Variants in RAD54B observed in about 807,000 individuals in gnomAD.
RAD54B encodes the protein DNA repair and recombination protein RAD54B.
A neutral mutation model predicts 95.8 loss-of-function variants in RAD54B; 78 were observed. That is an observed-to-expected ratio of 0.81 (90% CI 0.68 to 0.98). The LOEUF (loss-of-function observed/expected upper bound fraction) is 0.98, where lower values mean the gene tolerates loss of function less well. RAD54B is among the 50% of genes least tolerant of loss of function. The pLI is 0.00. For missense variants in RAD54B, 957 were observed against 1,056.6 expected (o/e 0.91, Z 1.31); for synonymous variants, 328 against 354.9 (o/e 0.92, Z 0.85).
chr8:94,407,295 T>C (rs1811413988), intron 5 of RAD54B, 144 bp downstream of exon 5: 4 of 771,370 alleles, frequency 5.2e-6, no homozygotes, highest in Non-Finnish European at 8.1e-6. Context: ...ACTTCAACAT[T>C]ATCTCTTATG....
chr8:94,411,541 G>A (rs988247313), intron 3 of RAD54B, among the ~76,000 whole-genome samples: 21 of 151,848 alleles, frequency 1.4e-4, no homozygotes, highest in East Asian at 1.9e-4. Flanking sequence ...TTACTGTTCC[G>A]AAGTCAAATA....
Position 94,372,030 on chromosome 8 carries a change from T to C in RAD54B, c.*140A>G. 7.3e-7 allele frequency: 1 copy of C among 1,362,148 alleles called. No individual in the cohort carries two copies. 84.4% of individuals were successfully genotyped at this position (1,362,148 alleles called of 1,614,324 possible). ...ATTTACAAAACATTAAACCACTCAA[T>C]TTTGACTATTGTATCAAAAGTGATA... On this transcript the variant is annotated 3_prime_UTR_variant, in exon 15 of 15. Transcript: ENST00000336148.
At chr8:94,376,184 GTC>G (rs1364983024) in intron 14 of RAD54B, among the ~76,000 whole-genome samples, 1 of 152,000 alleles carries the variant, frequency 6.6e-6, no homozygotes, top group Non-Finnish European at 1.5e-5. Context: ...CATACCCCAA[GTC>G]TCTATAATTA....
intron 3 of RAD54B, among the ~76,000 whole-genome samples, chr8:94,427,030 T>C (rs1008961352): frequency 4.6e-5 from 7 of 152,166 alleles, no homozygotes; most frequent in African/African-American, 1.7e-4. Context: ...GCAGAATCTA[T>C]GTGGTAGATA....
At chr8:94,422,587 C>CAAAAAAA (rs60701725) in intron 3 of RAD54B, among the ~76,000 whole-genome samples, 2 of 14,296 alleles carry the variant, frequency 1.4e-4, no homozygotes, top group Non-Finnish European at 1.6e-4. Context: ...GACTTCGTCT[C>CAAAAAAA]AAAAAAAAAA....
At position 94,432,765 on chromosome 8, in the gene RAD54B, A is replaced by G. The variant is rs924963861; in HGVS notation, c.305-21450T>C. 4 of 1,293,682 alleles carry G rather than the reference A, an allele frequency of 3.1e-6. No homozygotes were observed. In the African/African-American group the frequency reaches 6.0e-5, roughly 20 times the overall value. 80.1% of individuals were successfully genotyped at this position (1,293,682 alleles called of 1,614,324 possible). A position where few individuals can be genotyped will look rare whatever the true frequency, so the allele number is the denominator to read the frequency against. On this transcript the variant is annotated intron_variant, in intron 3 of 14. Coordinates refer to ENST00000336148, the MANE Select transcript of RAD54B (RefSeq NM_012415.3). The stretch of plus-strand genomic sequence containing the variant: ...CATTAAATGATAAAGCTTTAAAACT[A>G]TAAAGTTACAAAATAAAAAAAAATC...
intron 6 of RAD54B, among the ~76,000 whole-genome samples, chr8:94,400,758 T>C (rs1811248832): frequency 6.6e-6 from 1 of 152,210 alleles, no homozygotes; most frequent in African/African-American, 2.4e-5. Context: ...TGCATATGGA[T>C]AATTTAACTA....
chr8:94,428,741 A>T, intron 3 of RAD54B: 1 of 984,154 alleles, frequency 1.0e-6, no homozygotes, highest in Non-Finnish European at 1.2e-6. Context: ...TGTACATTCC[A>T]TTGTACTAGC....
At chr8:94,424,553 T>C (rs552137890) in intron 3 of RAD54B, among the ~76,000 whole-genome samples, 15 of 152,318 alleles carry the variant, frequency 9.8e-5, no homozygotes, top group Admixed American at 9.2e-4. Flanking sequence ...CATGGAATAG[T>C]GGAACATAAC....
intron 11 of RAD54B, among the ~76,000 whole-genome samples, chr8:94,380,842 C>A (rs1810721985): frequency 1.3e-5 from 2 of 152,134 alleles, no homozygotes; most frequent in Admixed American, 6.6e-5. Flanking sequence ...TGCTAAGGTA[C>A]CTGAGAAGGA....
At chr8:94,406,569 C>T (rs764430497) in intron 5 of RAD54B, among the ~76,000 whole-genome samples, 1 of 152,126 alleles carries the variant, frequency 6.6e-6, no homozygotes, top group Non-Finnish European at 1.5e-5. Flanking sequence ...TTAGGTAAGT[C>T]GGTTCATCTT....
chr8:94,432,283 G>C, intron 3 of RAD54B: 1 of 1,549,926 alleles, frequency 6.5e-7, no homozygotes, highest in Non-Finnish European at 8.7e-7. Context: ...AAATTTTTTT[G>C]ATTTTCTAAA....
Position 94,391,668 on chromosome 8 carries a change from A to G in RAD54B, c.1750T>C (p.Cys584Arg). 1.9e-6 allele frequency: 3 copies of G among 1,613,974 alleles called. No individual in the cohort carries two copies. The highest frequency in any genetic ancestry group is 2.5e-6 in the Non-Finnish European group (3 of 1,179,990). The change falls in exon 10 of 15, where the codon TGT becomes CGT. Residue 584 changes from cysteine to arginine, a missense_variant. By Grantham distance (180) the Cys-to-Arg change is radical. Transcript: ENST00000336148. ...GLLENSPHLI[C>R]IGALKKLCNH... Reference sequence around the variant, plus strand: ...CACAGTTTTTTAAGAGCTCCTATACATATTAGATGGGGACTATTTTCCAAC... The same window carrying G: ...CACAGTTTTTTAAGAGCTCCTATACGTATTAGATGGGGACTATTTTCCAAC...
chr8:94,377,753 G>A (rs1441461967), intron 14 of RAD54B, among the ~76,000 whole-genome samples: 3 of 150,652 alleles, frequency 2.0e-5, no homozygotes, highest in East Asian at 3.9e-4. Flanking sequence ...GAGGCGGGCG[G>A]ATCACGAGGT....
intron 9 of RAD54B, chr8:94,393,540 A>G (rs1811071217): frequency 4.2e-6 from 2 of 479,642 alleles, no homozygotes; most frequent in Admixed American, 4.1e-5. Flanking sequence ...GTTTATTGTC[A>G]TAATTCTTTG....
intron 3 of RAD54B, among the ~76,000 whole-genome samples, chr8:94,421,558 A>C (rs1811807491): frequency 6.6e-6 from 1 of 152,114 alleles, no homozygotes; most frequent in Admixed American, 6.6e-5. Context: ...ACATGTCCAC[A>C]TATCTCATAA....
Position 94,399,398 on chromosome 8 carries a change from C to T in RAD54B, c.1378+16G>A. 6.2e-7 allele frequency: 1 copy of T among 1,607,758 alleles called. No individual in the cohort carries two copies. Among genetic ancestry groups the T allele is most frequent in the Non-Finnish European group, 8.5e-7 (1 of 1,175,708 alleles). On this transcript the variant is annotated intron_variant, in intron 8 of 14. Coordinates refer to ENST00000336148, the MANE Select transcript of RAD54B (RefSeq NM_012415.3). ...GGCAAAAATTCCAAAATATCTTCCC[C>T]AAACTGAATACTGACCAGTTAGAAT...
In RAD54B at chr8:94,474,635, C is replaced by G. The variant is rs73695614; in HGVS notation, c.-17+366G>C. Among the ~76,000 whole-genome samples, 1,166 of 152,282 alleles carry G rather than the reference C, an allele frequency of 7.7e-3. 10 individuals carry two copies. Among genetic ancestry groups the G allele is most frequent in the African/African-American group, 0.02 (827 of 41,556 alleles). ...CAGGACGCTCGCAGAGCCTTCACCC[C>G]CTGGCCCTGGGGAAGGAAATTCCCA... On this transcript the variant is annotated intron_variant, in intron 1 of 14. Coordinates refer to ENST00000336148, the MANE Select transcript of RAD54B (RefSeq NM_012415.3).
In RAD54B at chr8:94,393,914, A is replaced by G. The variant is rs760770864; in HGVS notation, c.1379-32T>C. The G allele has an allele frequency of 4.5e-6, 7 of 1,546,418 alleles. No homozygotes were observed. In the South Asian group the frequency reaches 8.7e-5, roughly 19 times the overall value. ...AGAGACAAAAATGAGTAAAAGGTCAAGTTTGTGTTTTACAATCACAATCTC... is the reference window on the plus strand; with the variant it reads ...AGAGACAAAAATGAGTAAAAGGTCAGGTTTGTGTTTTACAATCACAATCTC... On this transcript the variant is annotated intron_variant, in intron 8 of 14. Transcript: ENST00000336148.
Sources: allele counts gnomAD v4.1 joint callset (sites outside exome capture counted in the v4.1 genomes callset), GRCh38; gene constraint gnomAD v4.1.1; transcripts MANE v1.5; gene names NCBI Gene and HGNC (gene_info 2026-07-23, HGNC 2026-07-21).